SLFN12: variants seen among roughly 807,000 people sequenced by gnomAD.
The protein encoded by SLFN12 is ribonuclease SLFN12.
SLFN12 carries 25 observed loss-of-function variants against 29.1 expected under a neutral mutation model. The ratio of observed to expected loss-of-function variants is 0.86; its 90% CI spans 0.63 to 1.20. The LOEUF (loss-of-function observed/expected upper bound fraction) is 1.20, where lower values mean the gene tolerates loss of function less well. Ranked by LOEUF, SLFN12 falls within the 50% of genes most tolerant of loss-of-function variation. The probability of loss-of-function intolerance (pLI) is 0.00; values close to 1 mark genes in which losing one functional copy is unlikely to be tolerated. For synonymous variants in SLFN12, 257 were observed against 238.7 expected, an observed-to-expected ratio of 1.08 and a Z score of -0.71; for missense variants, 660 against 666.2, an observed-to-expected ratio of 0.99 and a Z score of 0.10.
At position 35,422,391 on chromosome 17, in the gene SLFN12, T is replaced by G. The variant is rs764107142; in HGVS notation, c.638A>C (p.Lys213Thr). The G allele has an allele frequency of 1.9e-6, 3 of 1,613,956 alleles. No individual in the cohort carries two copies. The highest frequency in any genetic ancestry group is 1.7e-6 in the Non-Finnish European group (2 of 1,179,972). Residue 213 changes from lysine to threonine, a missense_variant, in exon 2 of 4, where the codon AAG becomes ACG. Transcript: ENST00000304905. Reference protein sequence around the residue: ...HVEIKNFSTEKLLQRIKEILP... With the variant: ...HVEIKNFSTETLLQRIKEILP... ...AATCTCTTTAATTCGTTGTAACAAC[T>G]TTTCTGTCGAGAAGTTTTTAATTTC... is the stretch of plus-strand genomic sequence containing the variant.
In SLFN12 at chr17:35,411,427, A is replaced by G. The variant is rs750795762; in HGVS notation, c.1648T>C (p.Phe550Leu). ...RLKSLRDQFS[F>L]AENLYQIIGI... The stretch of plus-strand genomic sequence containing the variant: ...ATTATCTGGTATAGATTTTCTGCAA[A>G]GGAAAACTGGTCTCTCAGAGACTTG... The change falls in exon 4 of 4, where the codon TTT (phenylalanine) becomes CTT (leucine). Residue 550 changes from phenylalanine (F) to leucine (L), a missense_variant. By Grantham distance (22) the Phe-to-Leu change is conservative. Coordinates refer to ENST00000304905, the MANE Select transcript of SLFN12 (RefSeq NM_018042.5). The G allele has an allele frequency of 5.0e-6, 8 of 1,611,530 alleles. No individual in the cohort carries two copies. The Admixed American group carries it at 5.0e-5, about 10-fold the overall frequency.
intron 3 of SLFN12, 124 bp from the exon 4 acceptor site, chr17:35,412,051 T>G: frequency 1.5e-6 from 1 of 675,434 alleles, no homozygotes; most frequent in Non-Finnish European, 2.3e-6. Context: ...GTATAAAATA[T>G]ATTCAAACAA....
rs201893999 is a variant in SLFN12 at position 35,422,590 on chromosome 17, T to G, written c.439A>C (p.Lys147Gln). 1,039 of 1,613,996 alleles carry G rather than the reference T, an allele frequency of 6.4e-4. 3 individuals carry two copies. Among genetic ancestry groups the G allele is most frequent in the Non-Finnish European group, 8.5e-4 (998 of 1,180,026 alleles). The stretch of plus-strand genomic sequence containing the variant: ...CTCCCTCTAGTCTTTTTCATGTCTT[T>G]GAGGAACTCCAGTGCAGCAGTGGCA... The part of the protein sequence containing the change: ...MNATAALEFL[K>Q]DMKKTRGRLY... Residue 147 changes from lysine (K) to glutamine (Q), a missense_variant, in exon 2 of 4, where the codon AAA (lysine) becomes CAA (glutamine). By Grantham distance (53) the Lys-to-Gln change is moderately conservative (BLOSUM62 1). Coordinates refer to ENST00000304905, the MANE Select transcript of SLFN12 (RefSeq NM_018042.5).
chr17:35,414,820 G>A (rs1215202728), intron 3 of SLFN12, among the ~76,000 whole-genome samples: 1 of 152,014 alleles, frequency 6.6e-6, no homozygotes, highest in Non-Finnish European at 1.5e-5. Context: ...GGAGGTGAAA[G>A]ATCTCTACAA....
intron 1 of SLFN12, among the ~76,000 whole-genome samples, chr17:35,426,592 T>G (rs1183092415): frequency 6.6e-6 from 1 of 152,162 alleles, no homozygotes; most frequent in Non-Finnish European, 1.5e-5. Flanking sequence ...TTCTGCCAAT[T>G]TACTTTCTTC....
intron 2 of SLFN12, 58 bp from the exon 3 acceptor site, chr17:35,420,439 A>C: frequency 1.9e-6 from 2 of 1,026,734 alleles, no homozygotes; most frequent in Non-Finnish European, 1.5e-6. Context: ...CAACTAACTA[A>C]TGCATAGTAT....
At chr17:35,432,737 T>C (rs1236319306), upstream of SLFN12, among the ~76,000 whole-genome samples, 2 of 152,072 alleles carry the variant, frequency 1.3e-5, no homozygotes, top group Non-Finnish European at 2.9e-5. Flanking sequence ...AGACCCTTAT[T>C]CTCCTGCTTC....
In SLFN12 at chr17:35,410,991, G is replaced by A. The variant is rs1436882149; in HGVS notation, c.*347C>T. 1.3e-5 allele frequency: 2 copies of A among 159,378 alleles called. No individual in the cohort carries two copies. The highest frequency in any genetic ancestry group is 2.7e-5 in the Non-Finnish European group (2 of 73,348). 9.9% of individuals were successfully genotyped at this position (159,378 alleles called of 1,614,324 possible). On this transcript the variant is annotated 3_prime_UTR_variant, in exon 4 of 4. Coordinates refer to ENST00000304905, the MANE Select transcript of SLFN12 (RefSeq NM_018042.5). The stretch of plus-strand genomic sequence containing the variant: ...TTTCATCAAGGATAATCTTTTGTAA[G>A]TTATAATTGTTTTCTAGGTATATGC...
chr17:35,416,999 T>C (rs751405738), intron 3 of SLFN12, among the ~76,000 whole-genome samples: 2 of 152,092 alleles, frequency 1.3e-5, no homozygotes, highest in Admixed American at 6.5e-5. Flanking sequence ...AAGCATATCA[T>C]TCTAATCTTA....
In SLFN12 at chr17:35,422,403, A is replaced by G. The variant is rs1379766557; in HGVS notation, c.626T>C (p.Phe209Ser). The G allele has an allele frequency of 6.2e-7, 1 of 1,613,926 alleles. No homozygotes were observed. Among genetic ancestry groups the G allele is most frequent in the Non-Finnish European group, 8.5e-7 (1 of 1,179,964 alleles). The change falls in exon 2 of 4, where the codon TTC (phenylalanine) becomes TCC (serine). Residue 209 changes from phenylalanine (F) to serine (S), a missense_variant. Transcript: ENST00000304905. ...TESTHVEIKN[F>S]STEKLLQRIK... Reference sequence around the variant, plus strand: ...TCGTTGTAACAACTTTTCTGTCGAGAAGTTTTTAATTTCAACATGTGTGGA... The same window carrying G: ...TCGTTGTAACAACTTTTCTGTCGAGGAGTTTTTAATTTCAACATGTGTGGA...
intron 1 of SLFN12, among the ~76,000 whole-genome samples, chr17:35,426,834 C>T (rs1912046594): frequency 6.6e-6 from 1 of 152,120 alleles, no homozygotes; most frequent in Admixed American, 6.5e-5. Context: ...TTGAGCGGGG[C>T]TTTCTTGATT....
chr17:35,428,997 C>T (rs868759470), intron 1 of SLFN12, among the ~76,000 whole-genome samples: 8 of 152,170 alleles, frequency 5.3e-5, no homozygotes, highest in African/African-American at 1.7e-4. Flanking sequence ...TCTACCCAGG[C>T]GCACAGCCCC....
At chr17:35,426,185 T>C (rs1028030475) in intron 1 of SLFN12, among the ~76,000 whole-genome samples, 1 of 151,984 alleles carries the variant, frequency 6.6e-6, no homozygotes, top group African/African-American at 2.4e-5. Context: ...TTATATATTT[T>C]GGATATTAAC....
rs1008024838 is a variant in SLFN12, at chr17:35,427,855, T to A, written c.-41+4333A>T. ...TGCTAATCACACAGTCTAATTTTCA[T>A]TGAGTCTAAGAGTGCCCTGGCAAAG... On this transcript the variant is annotated intron_variant, in intron 1 of 3. Coordinates refer to ENST00000304905, the MANE Select transcript of SLFN12 (RefSeq NM_018042.5). Among the ~76,000 whole-genome samples, 37 of 152,140 alleles carry A rather than the reference T, an allele frequency of 2.4e-4. 1 individual carries two copies. Among genetic ancestry groups the A allele is most frequent in the Non-Finnish European group, 1.5e-5 (1 of 68,016 alleles).
chr17:35,422,962 G>C lies in SLFN12; in HGVS notation c.67C>G (p.Leu23Val). The change falls in exon 2 of 4, where the codon CTT (leucine) becomes GTT (valine). Residue 23 changes from leucine (L) to valine (V), a missense_variant. Coordinates refer to ENST00000304905, the MANE Select transcript of SLFN12 (RefSeq NM_018042.5). ...ATTTTTTTCCTACTGTTCTCTCCAA[G>C]AGTGACTCTTCCCACATCTAGAACC... ...ELVLDVGRVT[L>V]GENSRKKMKD... 6.2e-7 allele frequency: 1 copy of C among 1,613,566 alleles called. No individual in the cohort carries two copies. Among genetic ancestry groups the C allele is most frequent in the Non-Finnish European group, 8.5e-7 (1 of 1,179,954 alleles).
chr17:35,423,178 T>C, intron 1 of SLFN12, 110 bp from the exon 2 acceptor site: 2 of 1,250,942 alleles, frequency 1.6e-6, no homozygotes, highest in Non-Finnish European at 2.1e-6. Flanking sequence ...TCTACTAGAC[T>C]GGTAAGTATA....
At chr17:35,420,464 C>G (rs970224756) in intron 2 of SLFN12, 83 bp from the exon 3 acceptor site, 1 of 755,052 alleles carries the variant, frequency 1.3e-6, no homozygotes, top group Non-Finnish European at 2.1e-6. Flanking sequence ...TATTAAAAGT[C>G]TACTTGTAAC....
chr17:35,421,905 A>G, intron 2 of SLFN12, 85 bp downstream of exon 2: 1 of 1,501,932 alleles, frequency 6.7e-7, no homozygotes, highest in Non-Finnish European at 9.0e-7. Context: ...TTTGAGGACT[A>G]TTGATCTTGC....
chr17:35,429,209 T>A (rs923527660), intron 1 of SLFN12, among the ~76,000 whole-genome samples: 2 of 151,928 alleles, frequency 1.3e-5, no homozygotes, highest in Non-Finnish European at 2.9e-5. Context: ...CATCTCACCC[T>A]CAGATTGATT....
Sources: gnomAD v4.1 joint callset for allele counts (sites outside exome capture counted in the v4.1 genomes callset) on GRCh38, gnomAD v4.1.1 for gene constraint, MANE v1.5 for transcripts, NCBI Gene and HGNC (gene_info 2026-07-23, HGNC 2026-07-21) for gene names.